Variants in ZNF566 observed in about 807,000 individuals in gnomAD.
ZNF566 encodes zinc finger protein 566.
A neutral mutation model predicts 32.8 loss-of-function variants in ZNF566; 27 were observed. That is an observed-to-expected ratio of 0.82 (90% CI 0.61 to 1.14). The LOEUF is 1.14. Among genes scored for constraint, ZNF566 ranks in the 50% most tolerant of loss-of-function variants. ZNF566 has a pLI of 0.00. For missense variants in ZNF566, 402 were observed against 490.4 expected (o/e 0.82, Z 1.70); for synonymous variants, 154 against 159.5 (o/e 0.97, Z 0.26).
chr19:36,465,003 G>A (rs1305225766), intron 4 of ZNF566, among the ~76,000 whole-genome samples: 1 of 151,966 alleles, frequency 6.6e-6, no homozygotes, highest in East Asian at 1.9e-4. Flanking sequence ...TAAAACATGC[G>A]ATTGATCAAA....
intron 1 of ZNF566, among the ~76,000 whole-genome samples, chr19:36,476,995 G>A (rs2033902609): frequency 6.6e-6 from 1 of 151,878 alleles, no homozygotes; most frequent in Admixed American, 6.6e-5. Context: ...TCCATTAAAT[G>A]GATATAACTT....
chr19:36,484,898 T>G (rs1430922585), intron 1 of ZNF566, among the ~76,000 whole-genome samples: 2 of 152,122 alleles, frequency 1.3e-5, no homozygotes, highest in Non-Finnish European at 2.9e-5. Context: ...CATTTTTACA[T>G]AGTTTCAAAT....
chr19:36,478,110 C>T (rs2033940891), intron 1 of ZNF566, among the ~76,000 whole-genome samples: 1 of 151,938 alleles, frequency 6.6e-6, no homozygotes, highest in Admixed American at 6.6e-5. Context: ...AAAGTAGCAC[C>T]ATGTTATCAA....
Position 36,449,327 on chromosome 19 carries a change from T to C in ZNF566, c.907A>G (p.Arg303Gly). ...SSGSNFTQHQ[R>G]IHTGEKPYEC... ...TAGGGTTTTTCCCCAGTATGAATTC[T>C]CTGATGTTGAGTAAAGTTTGAGCCA... is the stretch of plus-strand genomic sequence containing the variant. Residue 303 changes from arginine (R) to glycine (G), a missense_variant, in exon 5 of 5, where the codon AGA becomes GGA. By Grantham distance (125) the Arg-to-Gly change is moderately radical (BLOSUM62 -2). Transcript: ENST00000452939. 1 of 1,614,208 alleles carries C rather than the reference T, an allele frequency of 6.2e-7. No individual in the cohort carries two copies. Among genetic ancestry groups the C allele is most frequent in the Non-Finnish European group, 8.5e-7 (1 of 1,180,028 alleles).
At chr19:36,474,106 T>C (rs568044961) in intron 2 of ZNF566, among the ~76,000 whole-genome samples, 1 of 152,240 alleles carries the variant, frequency 6.6e-6, no homozygotes, top group Admixed American at 6.5e-5. Flanking sequence ...CTTCAGAAAC[T>C]TCTAGAGGAT....
chr19:36,456,711 T>A (rs1228634505), intron 4 of ZNF566, among the ~76,000 whole-genome samples: 4 of 151,994 alleles, frequency 2.6e-5, no homozygotes, highest in African/African-American at 7.2e-5. Flanking sequence ...TGCACATGTA[T>A]CCCAGAACTT....
chr19:36,460,919 G>GA (rs1285852003), intron 4 of ZNF566, among the ~76,000 whole-genome samples: 1 of 152,076 alleles, frequency 6.6e-6, no homozygotes, highest in Non-Finnish European at 1.5e-5. Context: ...TTATTGTGCT[G>GA]AAAAAAAGAG....
In ZNF566 at chr19:36,448,817, T is replaced by G. The variant is rs145549196; in HGVS notation, c.*160A>C. The G allele has an allele frequency of 8.0e-6, 5 of 623,184 alleles. No individual in the cohort carries two copies. Among genetic ancestry groups the G allele is most frequent in the Non-Finnish European group, 1.3e-5 (5 of 381,636 alleles). 38.6% of individuals were successfully genotyped at this position (623,184 alleles called of 1,614,324 possible). ...GGGCTTCCAAAGTATATTCTATTCA[T>G]AGAGTATTTCTCCAACATTATTTTT... On this transcript the variant is annotated 3_prime_UTR_variant, in exon 5 of 5. Coordinates refer to ENST00000452939, the MANE Select transcript of ZNF566 (RefSeq NM_001145344.1).
chr19:36,451,077 C>T (rs1305350924), intron 4 of ZNF566, among the ~76,000 whole-genome samples: 1 of 152,212 alleles, frequency 6.6e-6, no homozygotes, highest in East Asian at 1.9e-4. Context: ...ACATTATTCA[C>T]ATTTCCAATG....
In ZNF566 at chr19:36,449,627, C is replaced by T. The variant is rs777954826; in HGVS notation, c.607G>A (p.Glu203Lys). ...GGATGTCTAAAGGACTTTCCACATT[C>T]CTTACATTCATAAGGCTTCTCAATG... ...HTIEKPYECK[E>K]CGKSFRHPSR... Residue 203 changes from glutamate to lysine, a missense_variant, in exon 5 of 5, where the codon GAA (glutamate) becomes AAA (lysine). Glu to Lys is a moderately conservative substitution (Grantham distance 56). Around this residue, in one of 3 missense-constraint regions of ZNF566, gnomAD observed 220 missense variants for 241.9 expected, o/e 0.91. Coordinates refer to ENST00000452939, the MANE Select transcript of ZNF566 (RefSeq NM_001145344.1). 9 of 1,614,010 alleles carry T rather than the reference C, an allele frequency of 5.6e-6. No individual in the cohort carries two copies. The highest frequency in any genetic ancestry group is 1.7e-5 in the Admixed American group (1 of 59,994).
chr19:36,446,813 G>A lies in ZNF566; in HGVS notation c.*2164C>T, dbSNP rs1239498391. 1.3e-5 allele frequency: 2 copies of A among 151,990 alleles called. No individual in the cohort carries two copies. Among genetic ancestry groups the A allele is most frequent in the African/African-American group, 2.4e-5 (1 of 41,362 alleles). 9.4% of individuals were successfully genotyped at this position (151,990 alleles called of 1,614,324 possible). ...TACTTCCTTATGCCAGTAAAGTAAA[G>A]TAACACAATGTTCAGAGAGACCCGT... is the stretch of plus-strand genomic sequence containing the variant. On this transcript the variant is annotated 3_prime_UTR_variant, in exon 5 of 5. Coordinates refer to ENST00000452939, the MANE Select transcript of ZNF566 (RefSeq NM_001145344.1).
chr19:36,484,757 T>TA lies in ZNF566; in HGVS notation c.-60+4728_-60+4729insT, dbSNP rs558994309. 5.0e-4 allele frequency among the ~76,000 whole-genome samples: 76 copies of TA among 151,922 alleles called. No individual in the cohort carries two copies. The East Asian group carries it at 0.014, about 28-fold the overall frequency. On this transcript the variant is annotated intron_variant, in intron 1 of 4. Coordinates refer to ENST00000452939, the MANE Select transcript of ZNF566 (RefSeq NM_001145344.1). ...GGTGCCCACCACCATGCCCAGCTAATTTTTTGTATTTTTAGTAGAGATGGG... is the reference window on the plus strand; with the variant it reads ...GGTGCCCACCACCATGCCCAGCTAATATTTTTGTATTTTTAGTAGAGATGGG...
intron 4 of ZNF566, among the ~76,000 whole-genome samples, chr19:36,467,790 C>CAAAAAAAAAAAAAAAAAAAAAAA (rs560803094): frequency 2.3e-5 from 2 of 85,918 alleles, no homozygotes; most frequent in East Asian, 5.0e-4. Flanking sequence ...GACTCCATCT[C>CAAAAAAAAAAAAAAAAAAAAAAA]AAAAAAAAAA....
intron 4 of ZNF566, among the ~76,000 whole-genome samples, chr19:36,454,538 G>C (rs368022232): frequency 7.2e-5 from 11 of 152,102 alleles, no homozygotes; most frequent in African/African-American, 2.7e-4. Context: ...GGGCAATAGA[G>C]GGAGACCTCA....
chr19:36,486,662 ACT>A (rs1281034770), intron 1 of ZNF566, among the ~76,000 whole-genome samples: 9 of 140,236 alleles, frequency 6.4e-5, no homozygotes, highest in Non-Finnish European at 1.4e-4. Context: ...CAAGAGCGAA[ACT>A]CTGTCTCAAA....
chr19:36,475,813 A>G (rs2033870328), intron 2 of ZNF566, among the ~76,000 whole-genome samples: 1 of 152,124 alleles, frequency 6.6e-6, no homozygotes, highest in South Asian at 2.1e-4. Context: ...AAATTATTCC[A>G]AACCTGATCT....
At chr19:36,459,443 G>A (rs1355259062) in intron 4 of ZNF566, among the ~76,000 whole-genome samples, 1 of 150,484 alleles carries the variant, frequency 6.6e-6, no homozygotes, top group East Asian at 2.0e-4. Flanking sequence ...TTGAACTCCT[G>A]ACCGTGTGAT....
chr19:36,463,537 CTTTTTTTTT>C (rs56787323), intron 4 of ZNF566, among the ~76,000 whole-genome samples: 11 of 106,290 alleles, frequency 1.0e-4, no homozygotes, highest in African/African-American at 3.5e-4. Flanking sequence ...AATGTAATTT[CTTTTTTTTT>C]TTTTTTTTTT....
At chr19:36,466,136 A>G (rs1033773016) in intron 4 of ZNF566, among the ~76,000 whole-genome samples, 2 of 152,190 alleles carry the variant, frequency 1.3e-5, no homozygotes, top group African/African-American at 4.8e-5. Context: ...CCATATCTGA[A>G]TTTATCACAG....
Sources: allele counts gnomAD v4.1 joint callset (sites outside exome capture counted in the v4.1 genomes callset), GRCh38; gene constraint gnomAD v4.1.1; regional missense constraint gnomAD v4.1.1; transcripts MANE v1.5; gene names NCBI Gene and HGNC (gene_info 2026-07-23, HGNC 2026-07-21).